TSPAN15: variants seen among roughly 807,000 people sequenced by gnomAD.
TSPAN15 encodes tetraspanin-15.
In TSPAN15, 20 loss-of-function variants were observed where a neutral mutation model predicts 34.5. The observed-to-expected ratio is 0.58, with a 90% confidence interval of 0.41 to 0.84. The LOEUF (loss-of-function observed/expected upper bound fraction) is 0.84, where lower values mean the gene tolerates loss of function less well. Ranked by LOEUF, TSPAN15 falls within the 40% of genes least tolerant of loss-of-function variation. TSPAN15 has a pLI of 0.00. For missense variants in TSPAN15, 313 were observed against 386.1 expected (o/e 0.81, Z 1.59); for synonymous variants, 155 against 153.9 (o/e 1.01, Z -0.05).
At chr10:69,494,839 C>A in intron 3 of TSPAN15, 1 of 985,598 alleles carries the variant, frequency 1.0e-6, no homozygotes, top group Non-Finnish European at 1.2e-6. Context: ...GGGCTGCCCA[C>A]GCTCCTGCCC....
the TSPAN15 span, among the ~76,000 whole-genome samples, chr10:69,533,302 G>GATAT: frequency 7.6e-3 from 1,158 of 151,404 alleles, 20 homozygotes; most frequent in African/African-American, 0.026. Context: ...AAGAAACTGT[G>GATAT]ATATATATAT....
intron 4 of TSPAN15, among the ~76,000 whole-genome samples, chr10:69,496,970 T>C (rs1842099124): frequency 6.6e-6 from 1 of 152,228 alleles, no homozygotes; most frequent in African/African-American, 2.4e-5. Context: ...ACTTGCTTGG[T>C]GCCAGGTCCA....
the TSPAN15 span, chr10:69,523,397 G>A: frequency 3.4e-6 from 2 of 581,892 alleles, no homozygotes; most frequent in South Asian, 1.6e-5. Context: ...CCCCAAGCCT[G>A]GTAGTAAAAG....
chr10:69,465,722 G>C (rs970783483), intron 1 of TSPAN15, among the ~76,000 whole-genome samples: 1 of 152,154 alleles, frequency 6.6e-6, no homozygotes, highest in Non-Finnish European at 1.5e-5. Context: ...AGACTTACCA[G>C]CTTCCTTCCT....
intron 1 of TSPAN15, among the ~76,000 whole-genome samples, chr10:69,472,715 A>C (rs908747411): frequency 6.6e-6 from 1 of 152,172 alleles, no homozygotes; most frequent in Non-Finnish European, 1.5e-5. Context: ...GTTACTGGGG[A>C]AGAAGTAACA....
At chr10:69,460,764 G>T (rs1159933585) in intron 1 of TSPAN15, among the ~76,000 whole-genome samples, 2 of 152,170 alleles carry the variant, frequency 1.3e-5, no homozygotes, top group Admixed American at 1.3e-4. Context: ...GGCTTCACTG[G>T]GCAGGGAGGC....
intron 4 of TSPAN15, 50 bp from the exon 5 acceptor site, chr10:69,498,230 C>A: frequency 6.4e-7 from 1 of 1,551,738 alleles, no homozygotes; most frequent in Non-Finnish European, 8.9e-7. Flanking sequence ...GTCGTCTGAG[C>A]AGGGCCTGGG....
intron 1 of TSPAN15, among the ~76,000 whole-genome samples, chr10:69,479,472 G>T (rs1841685814): frequency 6.6e-6 from 1 of 152,232 alleles, no homozygotes; most frequent in Non-Finnish European, 1.5e-5. Context: ...GCTGTGGGCT[G>T]CCAGCAGCAC....
intron 6 of TSPAN15, chr10:69,505,893 G>T: frequency 2.4e-6 from 1 of 418,234 alleles, no homozygotes; most frequent in Non-Finnish European, 4.3e-6. Context: ...CGCCAACCTC[G>T]TTTGCTGGGG....
chr10:69,512,554 C>T (rs1420444903), downstream of TSPAN15, among the ~76,000 whole-genome samples: 1 of 152,218 alleles, frequency 6.6e-6, no homozygotes, highest in Non-Finnish European at 1.5e-5. Flanking sequence ...AAAATGTCCT[C>T]TTGTCCCTTT....
chr10:69,543,470 T>G, the TSPAN15 span, among the ~76,000 whole-genome samples: 1 of 152,134 alleles, frequency 6.6e-6, no homozygotes, highest in African/African-American at 2.4e-5. Flanking sequence ...AGATAAGGTG[T>G]GGTGACAACA....
downstream of TSPAN15, among the ~76,000 whole-genome samples, chr10:69,510,074 T>C (rs1842399743): frequency 1.3e-5 from 2 of 152,256 alleles, no homozygotes; most frequent in African/African-American, 4.8e-5. Context: ...TCTTTTTTGG[T>C]TCCACATGAA....
the TSPAN15 span, among the ~76,000 whole-genome samples, chr10:69,537,465 A>G: frequency 6.6e-6 from 1 of 152,194 alleles, no homozygotes; most frequent in Non-Finnish European, 1.5e-5. Context: ...ACAATTATGG[A>G]GGCCCGAAGT....
chr10:69,534,425 T>C, the TSPAN15 span, among the ~76,000 whole-genome samples: 4 of 152,214 alleles, frequency 2.6e-5, no homozygotes, highest in East Asian at 7.7e-4. Context: ...GATCTGATTG[T>C]GTAATTATGG....
chr10:69,502,660 G>A lies in TSPAN15; in HGVS notation c.571-1778G>A, dbSNP rs145419618. Among the ~76,000 whole-genome samples the A allele has an allele frequency of 2.4e-3, 373 of 152,250 alleles. 3 individuals are homozygous for A. The highest frequency in any genetic ancestry group is 8.7e-3 in the African/African-American group (360 of 41,548). ...TAAACCCAGGCAGGCTTTACTTTTG[G>A]AAAGACTATGGATGCATCGTATCCC... is the stretch of plus-strand genomic sequence containing the variant. On this transcript the variant is annotated intron_variant, in intron 5 of 7. Coordinates refer to ENST00000373290, the MANE Select transcript of TSPAN15 (RefSeq NM_012339.5).
intron 1 of TSPAN15, among the ~76,000 whole-genome samples, chr10:69,466,022 A>T (rs1841377290): frequency 6.6e-6 from 1 of 152,192 alleles, no homozygotes; most frequent in Non-Finnish European, 1.5e-5. Flanking sequence ...GCCGGTTGCC[A>T]CCTTGTGTGG....
the TSPAN15 span, among the ~76,000 whole-genome samples, chr10:69,537,131 G>T: frequency 5.6e-3 from 851 of 152,174 alleles, 9 homozygotes; most frequent in African/African-American, 0.02. Context: ...TTTGTTGGGG[G>T]TGGGGTAGTT....
chr10:69,487,698 G>A (rs1016844443), intron 3 of TSPAN15, among the ~76,000 whole-genome samples: 4 of 152,228 alleles, frequency 2.6e-5, no homozygotes, highest in Non-Finnish European at 4.4e-5. Flanking sequence ...TGCCCTGTAG[G>A]TCAACAGAAC....
the TSPAN15 span, among the ~76,000 whole-genome samples, chr10:69,526,012 A>T: frequency 6.8e-6 from 1 of 147,248 alleles, no homozygotes; most frequent in African/African-American, 2.5e-5. Flanking sequence ...TGGTGAAAAA[A>T]TTTAATAAAA....
Sources: allele counts gnomAD v4.1 joint callset (sites outside exome capture counted in the v4.1 genomes callset), GRCh38; gene constraint gnomAD v4.1.1; transcripts MANE v1.5; gene names NCBI Gene and HGNC (gene_info 2026-07-23, HGNC 2026-07-21).